Variants in DECR1 observed in about 807,000 individuals in gnomAD.
The protein encoded by DECR1 is 2,4-dienoyl-CoA reductase 1.
DECR1 carries 44 observed loss-of-function variants against 38.8 expected under a neutral mutation model. The observed-to-expected ratio is 1.13, with a 90% CI of 0.89 to 1.46. The LOEUF (loss-of-function observed/expected upper bound fraction) is 1.46, where lower values mean the gene tolerates loss of function less well. DECR1 is among the 40% of genes most tolerant of loss of function. The pLI, the probability that DECR1 is intolerant of heterozygous loss-of-function variation, is 0.00. For synonymous variants in DECR1, 148 were observed against 135.2 expected, an observed-to-expected ratio of 1.09 and a Z score of -0.66; for missense variants, 428 against 405.5, an observed-to-expected ratio of 1.06 and a Z score of -0.48.
At chr8:90,028,254 C>A (rs1366144688) in intron 5 of DECR1, among the ~76,000 whole-genome samples, 1 of 152,060 alleles carries the variant, frequency 6.6e-6, no homozygotes, top group Non-Finnish European at 1.5e-5. Context: ...TAGTGTGATA[C>A]TCTTCATATT....
intron 5 of DECR1, among the ~76,000 whole-genome samples, chr8:90,029,131 A>T (rs919562647): frequency 3.3e-5 from 5 of 152,174 alleles, no homozygotes; most frequent in African/African-American, 1.2e-4. Flanking sequence ...TTTACACCTG[A>T]TACTTGGACA....
chr8:90,024,007 G>C (rs181153891), intron 5 of DECR1, among the ~76,000 whole-genome samples: 93 of 152,230 alleles, frequency 6.1e-4, no homozygotes, highest in Middle Eastern at 3.4e-3. Flanking sequence ...TCAGAATGAT[G>C]GTTTCCAGCT....
intron 5 of DECR1, among the ~76,000 whole-genome samples, chr8:90,022,947 AAAAGATG>A (rs1813202567): frequency 6.6e-6 from 1 of 152,192 alleles, no homozygotes; most frequent in African/African-American, 2.4e-5. Flanking sequence ...ATATCTTTTT[AAAAGATG>A]GAAGCCAGTT....
chr8:90,021,396 C>A (rs1373838977), intron 5 of DECR1, among the ~76,000 whole-genome samples: 1 of 151,904 alleles, frequency 6.6e-6, no homozygotes, highest in African/African-American at 2.4e-5. Flanking sequence ...GGATAGAGGC[C>A]TGGTGGAGAG....
intron 8 of DECR1, among the ~76,000 whole-genome samples, chr8:90,049,377 C>T (rs141389715): frequency 0.013 from 2,001 of 152,142 alleles, 47 homozygotes; most frequent in African/African-American, 0.045. Context: ...ATTTTTTACA[C>T]CAATAACAGA....
In DECR1 at chr8:90,051,914, A is replaced by G. The variant is rs1450334436; in HGVS notation, c.*17A>G. ...GGTTCCTAAGACCACTTTGGCCTTC[A>G]TCTTGGTTACAGAAAAGGGAATAGA... On this transcript the variant is annotated 3_prime_UTR_variant, in exon 10 of 10. Coordinates refer to ENST00000220764, the MANE Select transcript of DECR1 (RefSeq NM_001359.2). 2 of 1,610,414 alleles carry G rather than the reference A, an allele frequency of 1.2e-6. No individual in the cohort carries two copies. The highest frequency in any genetic ancestry group is 1.7e-6 in the Non-Finnish European group (2 of 1,177,390).
chr8:90,042,755 T>C lies in DECR1; in HGVS notation c.693T>C (p.Tyr231=), dbSNP rs754916991. Residue 231 remains tyrosine (Y), a synonymous_variant, in exon 7 of 10, where the codon TAT becomes TAC. Coordinates refer to ENST00000220764, the MANE Select transcript of DECR1 (RefSeq NM_001359.2). ...CTCTTGCAGCTGAATGGGGTAAATATGGAATGCGATTCAATGTGATTCAAC... is the reference window on the plus strand; with the variant it reads ...CTCTTGCAGCTGAATGGGGTAAATACGGAATGCGATTCAATGTGATTCAAC... The part of the protein sequence containing the change: ...SKSLAAEWGK[Y]GMRFNVIQPG... 51 of 1,613,540 alleles carry C rather than the reference T, an allele frequency of 3.2e-5. No individual in the cohort carries two copies. Among genetic ancestry groups the C allele is most frequent in the African/African-American group, 4.0e-5 (3 of 74,908 alleles).
At chr8:90,050,362 A>C (rs1272873783) in intron 8 of DECR1, among the ~76,000 whole-genome samples, 1 of 152,246 alleles carries the variant, frequency 6.6e-6, no homozygotes, top group East Asian at 1.9e-4. Flanking sequence ...AAGTGGGCAA[A>C]GTGTATGAAC....
chr8:90,013,394 C>CTGTTTT (rs1812931755), intron 1 of DECR1, among the ~76,000 whole-genome samples: 1 of 86,682 alleles, frequency 1.2e-5, no homozygotes, highest in African/African-American at 4.5e-5. Context: ...CTTGCCTCTT[C>CTGTTTT]TTTCGTTTTT....
chr8:90,041,610 G>A (rs74827774), intron 6 of DECR1, among the ~76,000 whole-genome samples: 6,613 of 152,158 alleles, frequency 0.043, 288 homozygotes, highest in East Asian at 0.2. Context: ...AGCATTTTTC[G>A]TATTAGAGAC....
Position 90,018,894 on chromosome 8 carries a change from G to T in DECR1, c.273-15G>T. 1 of 1,567,450 alleles carries T rather than the reference G, an allele frequency of 6.4e-7. No individual in the cohort carries two copies. Among genetic ancestry groups the T allele is most frequent in the South Asian group, 1.1e-5 (1 of 87,014 alleles). On this transcript the variant is annotated splice_polypyrimidine_tract_variant and intron_variant, in intron 2 of 9. Coordinates refer to ENST00000220764, the MANE Select transcript of DECR1 (RefSeq NM_001359.2). ...AAAAATATAATATGAAGTCATACAA[G>T]GTGTTTATTTCTAGGAAGATGGATG...
At chr8:90,049,939 T>C (rs1814027403) in intron 8 of DECR1, among the ~76,000 whole-genome samples, 1 of 152,208 alleles carries the variant, frequency 6.6e-6, no homozygotes, top group Non-Finnish European at 1.5e-5. Context: ...GGATTCCCTG[T>C]TTAATAAATG....
chr8:90,027,311 T>C (rs1489363798), intron 5 of DECR1, among the ~76,000 whole-genome samples: 18 of 152,182 alleles, frequency 1.2e-4, no homozygotes, highest in Admixed American at 9.2e-4. Context: ...TGTCTAATGT[T>C]GACAGTGGGT....
At chr8:90,027,206 G>A (rs1813370486) in intron 5 of DECR1, among the ~76,000 whole-genome samples, 1 of 152,162 alleles carries the variant, frequency 6.6e-6, no homozygotes, top group African/African-American at 2.4e-5. Flanking sequence ...CTGTTGATTT[G>A]GGGTGGAGAG....
At chr8:90,010,341 TGCACTG>T (rs1812850787) in intron 1 of DECR1, among the ~76,000 whole-genome samples, 1 of 152,246 alleles carries the variant, frequency 6.6e-6, no homozygotes, top group South Asian at 2.1e-4. Context: ...TGTCCTTTTC[TGCACTG>T]GAACATCCAG....
chr8:90,001,876 G>C (rs1005700281), intron 1 of DECR1, among the ~76,000 whole-genome samples: 4 of 151,746 alleles, frequency 2.6e-5, no homozygotes, highest in African/African-American at 9.7e-5. Context: ...AGGACGTCTC[G>C]GGGCGCAAGA....
chr8:90,051,674 C>G lies in DECR1; in HGVS notation c.886-3C>G. ...TCAGAGTTTAAAAATTTGTTTTTTCCAGGTCATTAAATTTGACGGTGGAGA... is the reference window on the plus strand; with the variant it reads ...TCAGAGTTTAAAAATTTGTTTTTTCGAGGTCATTAAATTTGACGGTGGAGA... On this transcript the variant is annotated splice_region_variant and splice_polypyrimidine_tract_variant and intron_variant, in intron 8 of 9. Transcript: ENST00000220764. The G allele has an allele frequency of 6.2e-7, 1 of 1,609,976 alleles. No homozygotes were observed. Among genetic ancestry groups the G allele is most frequent in the Non-Finnish European group, 8.5e-7 (1 of 1,179,160 alleles).
chr8:90,031,632 T>G (rs1014802071), intron 5 of DECR1, among the ~76,000 whole-genome samples: 1 of 152,150 alleles, frequency 6.6e-6, no homozygotes, highest in Admixed American at 6.6e-5. Flanking sequence ...TCATATGGGC[T>G]CTCATTGAAA....
intron 8 of DECR1, among the ~76,000 whole-genome samples, chr8:90,048,321 C>A (rs990645382): frequency 1.3e-5 from 2 of 151,886 alleles, no homozygotes; most frequent in African/African-American, 2.4e-5. Context: ...AGTGAAGAAT[C>A]AAATAGATGC....
Sources: gnomAD v4.1 joint callset for allele counts (sites outside exome capture counted in the v4.1 genomes callset) on GRCh38, gnomAD v4.1.1 for gene constraint, MANE v1.5 for transcripts, NCBI Gene and HGNC (gene_info 2026-07-23, HGNC 2026-07-21) for gene names.